The following MAGI1 variants were observed in gnomAD, a reference collection of about 807,000 sequenced individuals.
MAGI1 encodes membrane associated guanylate kinase, WW and PDZ domain containing 1, also known as membrane-associated guanylate kinase, WW and PDZ domain-containing protein 1.
A neutral mutation model predicts 139.9 loss-of-function variants in MAGI1; 58 were observed. The observed-to-expected ratio is 0.41, with a 90% CI of 0.34 to 0.52. The LOEUF is 0.52. Among genes scored for constraint, MAGI1 ranks in the 20% least tolerant of loss-of-function variants. The pLI is 0.12. For missense variants in MAGI1, 1,874 were observed against 1,901.6 expected (o/e 0.99, Z 0.27); for synonymous variants, 812 against 737.9 (o/e 1.10, Z -1.63).
At chr3:65,524,480 G>C (rs551469079) in intron 2 of MAGI1, among the ~76,000 whole-genome samples, 3 of 152,156 alleles carry the variant, frequency 2.0e-5, no homozygotes, top group Non-Finnish European at 4.4e-5. Context: ...TAGACATGTA[G>C]GGTAAATTGG....
At chr3:65,797,281 G>C (rs566981634) in intron 1 of MAGI1, among the ~76,000 whole-genome samples, 1 of 152,216 alleles carries the variant, frequency 6.6e-6, no homozygotes, top group Non-Finnish European at 1.5e-5. Context: ...TAAACATTAA[G>C]GATGCATCTA....
intron 7 of MAGI1, among the ~76,000 whole-genome samples, chr3:65,445,636 G>A (rs1162044553): frequency 6.6e-6 from 1 of 152,156 alleles, no homozygotes; most frequent in Non-Finnish European, 1.5e-5. Flanking sequence ...TTCACCACAT[G>A]GATACCCTAT....
At chr3:65,852,535 C>G (rs148028435) in intron 1 of MAGI1, among the ~76,000 whole-genome samples, 2,455 of 148,330 alleles carry the variant, frequency 0.017, 77 homozygotes, top group African/African-American at 0.059. Context: ...CAGAGTTTCA[C>G]TCTTATTGCC....
intron 2 of MAGI1, among the ~76,000 whole-genome samples, chr3:65,496,904 T>C (rs1952496987): frequency 6.6e-6 from 1 of 152,136 alleles, no homozygotes; most frequent in Non-Finnish European, 1.5e-5. Flanking sequence ...TGCTGATGGA[T>C]TGGATGTTGT....
At chr3:65,780,780 G>A (rs2038865028) in intron 1 of MAGI1, among the ~76,000 whole-genome samples, 1 of 152,256 alleles carries the variant, frequency 6.6e-6, no homozygotes, top group South Asian at 2.1e-4. Flanking sequence ...ATGGGTTACA[G>A]AAGGGGGTTG....
intron 2 of MAGI1, among the ~76,000 whole-genome samples, chr3:65,582,266 T>A (rs1014614822): frequency 6.6e-6 from 1 of 152,206 alleles, no homozygotes; most frequent in Non-Finnish European, 1.5e-5. Context: ...GTAAGCTCCC[T>A]GTGAACAAGG....
chr3:65,391,380 G>A (rs1237385900), intron 13 of MAGI1, 22 bp from the exon 14 acceptor site: 5 of 1,595,836 alleles, frequency 3.1e-6, no homozygotes, highest in African/African-American at 2.7e-5. Flanking sequence ...CAAGTGAGAG[G>A]GGCAAGAAGA....
intron 1 of MAGI1, among the ~76,000 whole-genome samples, chr3:65,938,306 CATA>C (rs1467835665): frequency 6.8e-6 from 1 of 147,970 alleles, no homozygotes; most frequent in African/African-American, 2.5e-5. Flanking sequence ...AATATATTAA[CATA>C]ATTATACTAA....
chr3:65,959,264 C>T (rs755448148), intron 1 of MAGI1, among the ~76,000 whole-genome samples: 42 of 152,194 alleles, frequency 2.8e-4, no homozygotes, highest in Non-Finnish European at 5.9e-4. Context: ...CTCTCTACTG[C>T]ATCCTTTGTC....
chr3:65,856,792 T>A (rs2059390851), intron 1 of MAGI1, among the ~76,000 whole-genome samples: 1 of 152,156 alleles, frequency 6.6e-6, no homozygotes, highest in Admixed American at 6.5e-5. Context: ...ACTACAACGG[T>A]CTCTTGGCTC....
intron 1 of MAGI1, among the ~76,000 whole-genome samples, chr3:65,801,067 T>C (rs1373567006): frequency 6.6e-6 from 1 of 152,204 alleles, no homozygotes; most frequent in Non-Finnish European, 1.5e-5. Context: ...TCAAGCACCA[T>C]TGGTTTATAT....
chr3:65,985,062 C>T (rs1406881497), intron 1 of MAGI1, among the ~76,000 whole-genome samples: 1 of 152,164 alleles, frequency 6.6e-6, no homozygotes, highest in Non-Finnish European at 1.5e-5. Context: ...ATGTCAACCC[C>T]AGTGTTTCCT....
intron 1 of MAGI1, among the ~76,000 whole-genome samples, chr3:65,889,351 AC>A (rs2060651242): frequency 6.6e-6 from 1 of 152,242 alleles, no homozygotes; most frequent in African/African-American, 2.4e-5. Flanking sequence ...TTTTTAGAAG[AC>A]CAGTTGCTGC....
intron 1 of MAGI1, among the ~76,000 whole-genome samples, chr3:65,936,936 A>ATGGTGG (rs1298345355): frequency 3.4e-5 from 5 of 147,996 alleles, no homozygotes; most frequent in Admixed American, 3.4e-4. Flanking sequence ...GGTGGTGGTG[A>ATGGTGG]TGGTGGTGGT....
rs547906447 is a variant in MAGI1 at position 65,472,525 on chromosome 3, A to G, written c.758-2041T>C. On this transcript the variant is annotated intron_variant, in intron 4 of 22. Transcript: ENST00000402939. ...ATGATGTAGAAAACCAATTGTTTAAAAAGTTCTAATTTCAGTTGGGAATTA... is the reference window on the plus strand; with the variant it reads ...ATGATGTAGAAAACCAATTGTTTAAGAAGTTCTAATTTCAGTTGGGAATTA... Among the ~76,000 whole-genome samples, 11 of 152,356 alleles carry G rather than the reference A, an allele frequency of 7.2e-5. 1 individual carries two copies. The East Asian group carries it at 2.1e-3, about 29-fold the overall frequency.
intron 1 of MAGI1, among the ~76,000 whole-genome samples, chr3:65,679,420 G>A (rs189295750): frequency 2.6e-5 from 4 of 152,168 alleles, no homozygotes; most frequent in South Asian, 2.1e-4. Context: ...CCCTGGGGCC[G>A]GGCACGGTGG....
chr3:65,861,184 C>G (rs2132254), intron 1 of MAGI1, among the ~76,000 whole-genome samples: 2 of 152,058 alleles, frequency 1.3e-5, no homozygotes, highest in Non-Finnish European at 2.9e-5. Flanking sequence ...GGCAAGGAGC[C>G]GTATTCCTTA....
chr3:65,381,122 C>T (rs774725428), intron 16 of MAGI1, among the ~76,000 whole-genome samples: 11 of 152,068 alleles, frequency 7.2e-5, no homozygotes, highest in Non-Finnish European at 1.5e-4. Context: ...AGGTGAACAA[C>T]CAAGGTGTGT....
At chr3:65,411,985 A>G (rs1387156424) in intron 12 of MAGI1, among the ~76,000 whole-genome samples, 1 of 152,082 alleles carries the variant, frequency 6.6e-6, no homozygotes, top group African/African-American at 2.4e-5. Context: ...TATCCTCTTT[A>G]TTATCCGCAC....
Sources: allele counts gnomAD v4.1 joint callset (sites outside exome capture counted in the v4.1 genomes callset), GRCh38; gene constraint gnomAD v4.1.1; transcripts MANE v1.5; gene names NCBI Gene and HGNC (gene_info 2026-07-23, HGNC 2026-07-21).